The following LZTS2 variants were observed in gnomAD, a reference collection of about 807,000 sequenced individuals.
The protein encoded by LZTS2 is leucine zipper putative tumor suppressor 2.
In LZTS2, 32 loss-of-function variants were observed where a neutral mutation model predicts 60.6. The ratio of observed to expected loss-of-function variants is 0.53; its 90% CI spans 0.40 to 0.71. The LOEUF is 0.71. LZTS2 is among the 30% of genes least tolerant of loss of function. The probability of loss-of-function intolerance (pLI) is 0.00; values close to 1 mark genes in which losing one functional copy is unlikely to be tolerated. For missense variants in LZTS2, 792 were observed against 901.9 expected (o/e 0.88, Z 1.56); for synonymous variants, 360 against 393.1 (o/e 0.92, Z 1.00).
chr10:101,006,950 G>A (rs966661559), exon 4 of LZTS2: 14 of 1,547,460 alleles, frequency 9.0e-6, no homozygotes, highest in South Asian at 1.2e-5. Flanking sequence ...CAGCTTTGAG[G>A]GGGAGCGGCT....
chr10:101,006,621 G>T (rs373301301), exon 4 of LZTS2: 13 of 1,598,590 alleles, frequency 8.1e-6, no homozygotes, highest in Non-Finnish European at 1.1e-5. Context: ...CTGCGGGTCA[G>T]TGAGGGCCGT....
exon 3 of LZTS2, chr10:101,005,627 A>G (rs967439557): frequency 5.6e-6 from 9 of 1,611,142 alleles, no homozygotes; most frequent in Non-Finnish European, 7.6e-6. Flanking sequence ...CAGCTGCTGC[A>G]GGAGCGCGAA....
At chr10:100,998,718 CTGTG>C (rs973121815), upstream of LZTS2, 1 of 152,072 alleles carries the variant, frequency 6.6e-6, no homozygotes, top group East Asian at 1.9e-4. Context: ...AAGAAGTTGT[CTGTG>C]TGAGTGACTG....
chr10:101,007,222 G>T, exon 4 of LZTS2: 1 of 1,485,040 alleles, frequency 6.7e-7, no homozygotes, highest in Non-Finnish European at 8.9e-7. Context: ...AGCAGCTGCA[G>T]ATCCACTTAG....
At chr10:101,007,199 C>T (rs1852239707) in exon 4 of LZTS2, 8 of 1,514,014 alleles carry the variant, frequency 5.3e-6, no homozygotes, top group Non-Finnish European at 7.1e-6. Context: ...GTAGGGAGCT[C>T]TGCCAGAGGG....
chr10:101,007,135 C>T (rs766138500), exon 4 of LZTS2: 2 of 1,606,954 alleles, frequency 1.2e-6, no homozygotes, highest in Non-Finnish European at 8.5e-7. Flanking sequence ...CCCCCTGCAT[C>T]TGCCTGGAGG....
chr10:100,998,589 GT>G (rs1851962270), upstream of LZTS2: 1 of 152,332 alleles, frequency 6.6e-6, no homozygotes. Context: ...GGGGGAGGGG[GT>G]GGTTAGGGGA....
At position 101,004,247 on chromosome 10, in the gene LZTS2, G is replaced by A. The variant is rs572081049; in HGVS notation, c.1068+81G>A. ...GGATGCAAGCGGCATTTCCATTTTG[G>A]CAGGGAACGGGGGTTGGGTAGTTGT... On this transcript the variant is annotated intron_variant, in intron 2 of 3. Transcript: ENST00000370220. 11 of 1,469,866 alleles carry A rather than the reference G, an allele frequency of 7.5e-6. No individual in the cohort carries two copies. In the Admixed American group the frequency reaches 2.3e-4, roughly 30 times the overall value. 91.1% of individuals were successfully genotyped at this position (1,469,866 alleles called of 1,614,324 possible). A position where few individuals can be genotyped will look rare whatever the true frequency, so the allele number is the denominator to read the frequency against.
chr10:101,002,351 A>C, exon 1 of LZTS2: 1 of 501,964 alleles, frequency 2.0e-6, no homozygotes, highest in African/African-American at 2.0e-5. Context: ...GCCCAGGGGG[A>C]ATTGAGATTC....
chr10:101,004,251 G>A, intron 2 of LZTS2, 85 bp downstream of exon 3: 2 of 1,457,088 alleles, frequency 1.4e-6, no homozygotes, highest in South Asian at 1.4e-5. Context: ...ATTTTGGCAG[G>A]GAACGGGGGT....
exon 1 of LZTS2, chr10:101,000,274 G>T (rs1394721206): frequency 6.6e-6 from 1 of 152,418 alleles, no homozygotes; most frequent in Non-Finnish European, 1.5e-5. Flanking sequence ...GGGCCAGAGT[G>T]ATTGCTCAGG....
chr10:101,005,268 GC>G (rs1852146021), intron 2 of LZTS2, among the ~76,000 whole-genome samples, 189 bp from the exon 4 acceptor site: 1 of 152,168 alleles, frequency 6.6e-6, no homozygotes, highest in Non-Finnish European at 1.5e-5. Flanking sequence ...GAGCCACCGA[GC>G]CCGGTCTGCT....
chr10:101,002,518 C>G, exon 1 of LZTS2: 1 of 1,502,208 alleles, frequency 6.7e-7, no homozygotes. Context: ...GGCCGCTGGC[C>G]AGGCCTGAGC....
At chr10:101,007,315 C>G in exon 4 of LZTS2, 1 of 1,420,596 alleles carries the variant, frequency 7.0e-7, no homozygotes, top group Non-Finnish European at 9.2e-7. Context: ...GGGCTTCTGC[C>G]AAGAACTCAG....
At chr10:101,001,277 A>G (rs1852031682) in exon 1 of LZTS2, 2 of 152,290 alleles carry the variant, frequency 1.3e-5, no homozygotes. Context: ...CAGGCTTTCT[A>G]ATGACCCCTG....
upstream of LZTS2, chr10:100,998,327 A>T (rs1242818414): frequency 6.5e-6 from 1 of 152,976 alleles, no homozygotes; most frequent in South Asian, 2.1e-4. Context: ...GTGCCCCAGG[A>T]GGCAGGGATC....
At chr10:100,998,882 T>G (rs1382751250), upstream of LZTS2, 1 of 152,382 alleles carries the variant, frequency 6.6e-6, no homozygotes, top group Non-Finnish European at 1.5e-5. Context: ...ACTGGAAGAT[T>G]ATGGAAAGAA....
exon 4 of LZTS2, chr10:101,007,572 T>A (rs1352241813): frequency 1.5e-5 from 20 of 1,300,884 alleles, no homozygotes; most frequent in South Asian, 2.5e-5. Flanking sequence ...CTGCTCCGGA[T>A]GTGCCTGCCC....
intron 2 of LZTS2, among the ~76,000 whole-genome samples, chr10:101,004,793 A>G (rs1177399345): frequency 6.6e-6 from 1 of 152,200 alleles, no homozygotes; most frequent in Non-Finnish European, 1.5e-5. Context: ...AAAAGGTGTA[A>G]AGTGATTAGA....
Sources: allele counts gnomAD v4.1 joint callset (sites outside exome capture counted in the v4.1 genomes callset), GRCh38; gene constraint gnomAD v4.1.1; transcripts MANE v1.5; gene names NCBI Gene and HGNC (gene_info 2026-07-23, HGNC 2026-07-21).